MAP2: variants seen among roughly 807,000 people sequenced by gnomAD.
MAP2 encodes the protein microtubule associated protein 2.
MAP2 carries 14 observed loss-of-function variants against 137.6 expected under a neutral mutation model. That is an observed-to-expected ratio of 0.10 (90% CI 0.07 to 0.16). The LOEUF is 0.16. Among genes scored for constraint, MAP2 ranks in the 10% least tolerant of loss-of-function variants. The pLI, the probability that MAP2 is intolerant of heterozygous loss-of-function variation, is 1.00. For missense variants in MAP2, 2,088 were observed against 2,191.5 expected (o/e 0.95, Z 0.94); for synonymous variants, 786 against 782.3 (o/e 1.00, Z -0.08).
At chr2:209,500,428 A>G (rs2060236763) in intron 1 of MAP2, among the ~76,000 whole-genome samples, 1 of 152,004 alleles carries the variant, frequency 6.6e-6, no homozygotes, top group Non-Finnish European at 1.5e-5. Flanking sequence ...CATTGTCTGA[A>G]TTGCTCTCCT....
At chr2:209,586,513 C>G (rs1187354374) in intron 3 of MAP2, among the ~76,000 whole-genome samples, 1 of 152,096 alleles carries the variant, frequency 6.6e-6, no homozygotes, top group Non-Finnish European at 1.5e-5. Context: ...ATTCCATTCC[C>G]GTTTCCTGCC....
chr2:209,424,638 T>C (rs1692029606), intron 1 of MAP2, among the ~76,000 whole-genome samples: 1 of 152,220 alleles, frequency 6.6e-6, no homozygotes. Context: ...GAGTGGATTC[T>C]ACAAAGATAG....
rs1180769033 is a variant in MAP2 at position 209,694,127 on chromosome 2, A to C, written c.1957A>C (p.Ser653Arg). ...SYPSDLPEEP[S>R]SPQERMFTID... Reference sequence around the variant, plus strand: ...TCCATCAGATTTACCTGAAGAACCCAGTTCTCCTCAAGAAAGAATGTTCAC... The same window carrying C: ...TCCATCAGATTTACCTGAAGAACCCCGTTCTCCTCAAGAAAGAATGTTCAC... Residue 653 changes from serine to arginine, a missense_variant, in exon 8 of 16, where the codon AGT becomes CGT. Ser to Arg is a moderately radical substitution (Grantham distance 110). Around this residue, in one of 6 missense-constraint regions of MAP2, gnomAD observed 859 missense variants for 794.5 expected, o/e 1.08. Coordinates refer to ENST00000682079, the MANE Select transcript of MAP2 (RefSeq NM_001375505.1). 3 of 1,613,972 alleles carry C rather than the reference A, an allele frequency of 1.9e-6. No homozygotes were observed. Among genetic ancestry groups the C allele is most frequent in the Non-Finnish European group, 8.5e-7 (1 of 1,180,012 alleles).
At chr2:209,672,323 C>A (rs1292165765) in intron 5 of MAP2, among the ~76,000 whole-genome samples, 1 of 151,832 alleles carries the variant, frequency 6.6e-6, no homozygotes, top group Non-Finnish European at 1.5e-5. Context: ...ACAGAATAAT[C>A]TCAGTGTCTG....
chr2:209,490,017 G>C (rs2058875453), intron 1 of MAP2, among the ~76,000 whole-genome samples: 1 of 152,130 alleles, frequency 6.6e-6, no homozygotes. Context: ...AAAATGTTAA[G>C]GGCAGCCAGA....
intron 7 of MAP2, chr2:209,690,515 T>C (rs72999563): frequency 0.017 from 17,273 of 1,044,018 alleles, 150 homozygotes; most frequent in Non-Finnish European, 0.019. Flanking sequence ...GTCATTCTAA[T>C]GGAGCTGAAA....
At chr2:209,517,385 G>A (rs2062667433) in intron 2 of MAP2, among the ~76,000 whole-genome samples, 1 of 152,058 alleles carries the variant, frequency 6.6e-6, no homozygotes, top group Admixed American at 6.6e-5. Context: ...TAATTAACAA[G>A]AAAACTTTTA....
chr2:209,626,817 C>T (rs1315689305), intron 4 of MAP2, among the ~76,000 whole-genome samples: 1 of 152,122 alleles, frequency 6.6e-6, no homozygotes, highest in Non-Finnish European at 1.5e-5. Flanking sequence ...ATGTTTTAAT[C>T]TTCTGGTGCC....
intron 4 of MAP2, among the ~76,000 whole-genome samples, chr2:209,638,507 C>A (rs1280469589): frequency 6.6e-6 from 1 of 152,106 alleles, no homozygotes; most frequent in African/African-American, 2.4e-5. Context: ...AATGACTCTG[C>A]TTTATATGAC....
intron 2 of MAP2, among the ~76,000 whole-genome samples, chr2:209,546,431 A>C (rs2068080547): frequency 6.6e-6 from 1 of 152,210 alleles, no homozygotes; most frequent in South Asian, 2.1e-4. Context: ...ATGTATTATC[A>C]ATATTGTCAT....
chr2:209,586,969 C>T (rs2153420778), intron 3 of MAP2, among the ~76,000 whole-genome samples: 1 of 152,280 alleles, frequency 6.6e-6, no homozygotes, highest in African/African-American at 2.4e-5. Context: ...TTTTAAATCC[C>T]AGCCAGTTTT....
At chr2:209,706,516 C>G (rs367848927) in intron 12 of MAP2, among the ~76,000 whole-genome samples, 1 of 151,038 alleles carries the variant, frequency 6.6e-6, no homozygotes. Context: ...AACTGACCCT[C>G]TAGAGAGGGT....
intron 5 of MAP2, among the ~76,000 whole-genome samples, chr2:209,665,460 G>A (rs1350487172): frequency 6.6e-6 from 1 of 152,056 alleles, no homozygotes; most frequent in Non-Finnish European, 1.5e-5. Context: ...TTGATCCTCT[G>A]ACTATAAATA....
At chr2:209,460,438 A>G (rs1702489183) in intron 1 of MAP2, among the ~76,000 whole-genome samples, 2 of 152,144 alleles carry the variant, frequency 1.3e-5, no homozygotes, top group Admixed American at 1.3e-4. Flanking sequence ...AGTGCAATAA[A>G]TTTAGTGACT....
At chr2:209,458,533 A>G (rs374181754) in intron 1 of MAP2, among the ~76,000 whole-genome samples, 1 of 152,310 alleles carries the variant, frequency 6.6e-6, no homozygotes, top group East Asian at 1.9e-4. Flanking sequence ...TCACAGTAAG[A>G]GGTCAGGCTG....
chr2:209,696,423 T>TTCAC lies in MAP2; in HGVS notation c.4180+74_4180+75insCACT, dbSNP rs2060204565. 2.0e-6 allele frequency: 3 copies of TTCAC among 1,480,450 alleles called. No individual in the cohort carries two copies. The South Asian group carries it at 4.2e-5, about 21-fold the overall frequency. The allele number at this position is 1,480,450 out of a possible 1,614,324, so 91.7% of individuals were successfully genotyped here. ...TGGGAATTTTTTTTCACTTAAACAT[T>TTCAC]TTAAAATACCTCTTTATCTCTTTAT... On this transcript the variant is annotated intron_variant, in intron 8 of 15. Transcript: ENST00000682079.
intron 2 of MAP2, among the ~76,000 whole-genome samples, chr2:209,558,394 G>T (rs112846997): frequency 3.9e-5 from 6 of 152,042 alleles, no homozygotes; most frequent in Admixed American, 1.3e-4. Context: ...TCGCCATGTC[G>T]GCCAGGCTGG....
chr2:209,679,338 GATA>G (rs2053441787), intron 6 of MAP2, among the ~76,000 whole-genome samples: 2 of 98,228 alleles, frequency 2.0e-5, no homozygotes, highest in Non-Finnish European at 3.7e-5. Flanking sequence ...TAGATAGATA[GATA>G]GATAGATAGA....
At chr2:209,685,169 T>A (rs1195280613) in intron 7 of MAP2, among the ~76,000 whole-genome samples, 1 of 152,192 alleles carries the variant, frequency 6.6e-6, no homozygotes, top group South Asian at 2.1e-4. Flanking sequence ...ACGGTTGCAC[T>A]ACATCCCTAA....
Sources: allele counts gnomAD v4.1 joint callset (sites outside exome capture counted in the v4.1 genomes callset), GRCh38; gene constraint gnomAD v4.1.1; regional missense constraint gnomAD v4.1.1; transcripts MANE v1.5; gene names NCBI Gene and HGNC (gene_info 2026-07-23, HGNC 2026-07-21).